Variants in KDM1B observed in about 807,000 individuals in gnomAD.
KDM1B encodes lysine-specific histone demethylase 2.
Under a neutral mutation model 107.4 loss-of-function variants are expected in KDM1B, and 63 were observed. The ratio of observed to expected loss-of-function variants is 0.59; its 90% CI spans 0.48 to 0.72. The LOEUF (loss-of-function observed/expected upper bound fraction) is 0.72. Ranked by LOEUF, KDM1B falls within the 30% of genes least tolerant of loss-of-function variation. The pLI is 0.00. For synonymous variants in KDM1B, 363 were observed against 363.9 expected (o/e 1.00, Z 0.03); for missense variants, 749 against 1,020.8 (o/e 0.73, Z 3.63).
intron 10 of KDM1B, among the ~76,000 whole-genome samples, chr6:18,194,810 A>G (rs537316374): frequency 2.6e-5 from 4 of 152,184 alleles, no homozygotes; most frequent in African/African-American, 2.4e-5. Flanking sequence ...GCCCTATTCC[A>G]TCTTAACCAT....
At chr6:18,170,680 A>G (rs1256801332) in intron 6 of KDM1B, among the ~76,000 whole-genome samples, 2 of 151,476 alleles carry the variant, frequency 1.3e-5, no homozygotes, top group African/African-American at 2.4e-5. Context: ...GGATGTCACT[A>G]TGTTGCCCAG....
chr6:18,158,303 G>A (rs1364885363), intron 2 of KDM1B, among the ~76,000 whole-genome samples: 1 of 134,408 alleles, frequency 7.4e-6, no homozygotes, highest in African/African-American at 2.8e-5. Flanking sequence ...GAGGCCGGGC[G>A]ATAGAGTGAG....
intron 7 of KDM1B, among the ~76,000 whole-genome samples, chr6:18,177,454 A>T (rs1786100514): frequency 6.8e-6 from 1 of 146,768 alleles, no homozygotes; most frequent in Non-Finnish European, 1.5e-5. Context: ...TTTCAATTTC[A>T]TTTAGTTCTT....
chr6:18,222,134 A>T lies in KDM1B; in HGVS notation c.*142A>T, dbSNP rs1339825065. The T allele has an allele frequency of 1.3e-6, 1 of 787,338 alleles. No individual in the cohort carries two copies. The highest frequency in any genetic ancestry group is 1.7e-5 in the African/African-American group (1 of 58,482). The allele number at this position is 787,338 out of a possible 1,614,324, so 48.8% of individuals were successfully genotyped here. On this transcript the variant is annotated 3_prime_UTR_variant, in exon 22 of 22. Coordinates refer to ENST00000650836, the MANE Select transcript of KDM1B (RefSeq NM_001364614.2). The stretch of plus-strand genomic sequence containing the variant: ...TTTCTAAGGCGATATGATAATGCAA[A>T]CCTATTTCATCACTCTAAAAGCACT...
chr6:18,185,576 C>T lies in KDM1B; in HGVS notation c.535-196C>T, dbSNP rs555981040. Among the ~76,000 whole-genome samples the T allele has an allele frequency of 5.0e-4, 76 of 152,324 alleles. No individual in the cohort carries two copies. The Middle Eastern group carries it at 0.017, about 34-fold the overall frequency. ...CTTGACCTCCCAAACTGCTGCTCAA[C>T]CTCCCGAAGTGCTGGGATTATAGGC... On this transcript the variant is annotated intron_variant, in intron 7 of 21. Transcript: ENST00000650836.
At chr6:18,167,155 G>A (rs1785351269) in intron 6 of KDM1B, among the ~76,000 whole-genome samples, 2 of 151,934 alleles carry the variant, frequency 1.3e-5, no homozygotes, top group South Asian at 4.1e-4. Flanking sequence ...TAGAAATCAA[G>A]ACCATCCTGG....
chr6:18,217,140 TAGCCCCC>T (rs1188286883), intron 20 of KDM1B, among the ~76,000 whole-genome samples: 1 of 152,138 alleles, frequency 6.6e-6, no homozygotes, highest in African/African-American at 2.4e-5. Context: ...CCATGGGTGA[TAGCCCCC>T]AGTAGAGGGA....
At chr6:18,174,950 A>T (rs1035548665) in intron 7 of KDM1B, among the ~76,000 whole-genome samples, 1 of 152,190 alleles carries the variant, frequency 6.6e-6, no homozygotes, top group Non-Finnish European at 1.5e-5. Flanking sequence ...TGCTATAAAC[A>T]TGCATATGGA....
rs1158423064 is a variant in KDM1B at position 18,214,608 on chromosome 6, C to T, written c.2110-399C>T. The stretch of plus-strand genomic sequence containing the variant: ...GACAGCCAGAAATAGTGACATTTAA[C>T]TTGTGAGAGTGAGGCTCTTGGCCGG... On this transcript the variant is annotated intron_variant, in intron 19 of 21. Coordinates refer to ENST00000650836, the MANE Select transcript of KDM1B (RefSeq NM_001364614.2). The surrounding 1 kb of genome is among the most constrained non-coding windows in gnomAD (Gnocchi z 4.4). Among the ~76,000 whole-genome samples, 1 of 152,080 alleles carries T rather than the reference C, an allele frequency of 6.6e-6. No homozygotes were observed. Among genetic ancestry groups the T allele is most frequent in the East Asian group, 1.9e-4 (1 of 5,182 alleles).
At position 18,165,262 on chromosome 6, in the gene KDM1B, C is replaced by G. The variant is rs144939249; in HGVS notation, c.306-1005C>G. Among the ~76,000 whole-genome samples the G allele has an allele frequency of 8.3e-3, 1,239 of 149,360 alleles. 20 individuals carry two copies. Among genetic ancestry groups the G allele is most frequent in the African/African-American group, 0.029 (1,181 of 40,746 alleles). The stretch of plus-strand genomic sequence containing the variant: ...CATTCTGCCTCAGCCTCCCAAGTAG[C>G]TGGGACTACAGGCACCCGCTACCAC... On this transcript the variant is annotated intron_variant, in intron 5 of 21. Transcript: ENST00000650836.
intron 10 of KDM1B, among the ~76,000 whole-genome samples, chr6:18,193,881 T>C (rs2150946961): frequency 6.6e-6 from 1 of 151,842 alleles, no homozygotes; most frequent in African/African-American, 2.4e-5. Flanking sequence ...AGTGTCTTTT[T>C]TTTTTTTTTA....
intron 6 of KDM1B, among the ~76,000 whole-genome samples, chr6:18,167,027 G>A (rs1275472965): frequency 6.6e-6 from 1 of 151,870 alleles, no homozygotes; most frequent in East Asian, 1.9e-4. Flanking sequence ...TTTAAAATCA[G>A]GCTTCAGATA....
intron 9 of KDM1B, among the ~76,000 whole-genome samples, chr6:18,188,992 C>T (rs896946902): frequency 1.3e-5 from 2 of 151,938 alleles, no homozygotes; most frequent in African/African-American, 4.8e-5. Context: ...TCATGTTGCC[C>T]AGGCTGGTCT....
Position 18,201,574 on chromosome 6 carries a change from T to C in KDM1B, c.1448T>C (p.Met483Thr). The C allele has an allele frequency of 6.5e-7, 1 of 1,550,224 alleles. No individual in the cohort carries two copies. The highest frequency in any genetic ancestry group is 8.7e-7 in the Non-Finnish European group (1 of 1,146,596). ...RITDPTIDKR[M>T]DFHFNALLDV... ...ACTGACCCCACTATTGACAAGCGCA[T>C]GGATTTTCATTTTAATGCTCTCTTG... The change falls in exon 14 of 22, where the codon ATG becomes ACG. Residue 483 changes from methionine (M) to threonine (T), a missense_variant. By Grantham distance (81) the Met-to-Thr change is moderately conservative. Coordinates refer to ENST00000650836, the MANE Select transcript of KDM1B (RefSeq NM_001364614.2). This position sits in a 1 kb window ranked among gnomAD's most constrained non-coding sequence, Gnocchi z 4.3.
rs1343815363 is a variant in KDM1B at position 18,171,488 on chromosome 6, T to C, written c.534+9T>C. 9 of 1,446,404 alleles carry C rather than the reference T, an allele frequency of 6.2e-6. No homozygotes were observed. The highest frequency in any genetic ancestry group is 8.8e-6 in the Non-Finnish European group (9 of 1,027,004). The allele number at this position is 1,446,404 out of a possible 1,614,324, so 89.6% of individuals were successfully genotyped here. A position where few individuals can be genotyped will look rare whatever the true frequency, so the allele number is the denominator to read the frequency against. Reference sequence around the variant, plus strand: ...CAAATACTGCTATTAAGGTATGTTCTCTTTTTGCTTTTGAGTTAATTGATA... The same window carrying C: ...CAAATACTGCTATTAAGGTATGTTCCCTTTTTGCTTTTGAGTTAATTGATA... On this transcript the variant is annotated intron_variant, in intron 7 of 21. Transcript: ENST00000650836.
At chr6:18,190,950 C>G (rs955040602) in intron 9 of KDM1B, among the ~76,000 whole-genome samples, 1 of 151,078 alleles carries the variant, frequency 6.6e-6, no homozygotes, top group Non-Finnish European at 1.5e-5. Context: ...ATTTTTTTAC[C>G]ACAGTTAAAA....
At chr6:18,182,786 C>T (rs1165771699) in intron 7 of KDM1B, among the ~76,000 whole-genome samples, 2 of 152,180 alleles carry the variant, frequency 1.3e-5, no homozygotes, top group African/African-American at 2.4e-5. Flanking sequence ...CCACCTTGGT[C>T]TCCCAAAGTG....
intron 7 of KDM1B, among the ~76,000 whole-genome samples, chr6:18,174,399 C>G (rs1785855968): frequency 6.6e-6 from 1 of 152,094 alleles, no homozygotes; most frequent in African/African-American, 2.4e-5. Context: ...TTACATTTTT[C>G]AGTCCTCTAA....
chr6:18,181,839 C>A (rs1786501056), intron 7 of KDM1B, among the ~76,000 whole-genome samples: 1 of 152,022 alleles, frequency 6.6e-6, no homozygotes, highest in Non-Finnish European at 1.5e-5. Flanking sequence ...TGGTCAACAC[C>A]CTGCTATGAA....
Sources: gnomAD v4.1 joint callset for allele counts (sites outside exome capture counted in the v4.1 genomes callset) on GRCh38, gnomAD v4.1.1 for gene constraint, Gnocchi (gnomAD v3.1) non-coding constraint, MANE v1.5 for transcripts, NCBI Gene and HGNC (gene_info 2026-07-23, HGNC 2026-07-21) for gene names.